Variants in ATP1A3 observed in about 807,000 individuals in gnomAD.
ATP1A3 encodes ATPase Na+/K+ transporting subunit alpha 3.
A neutral mutation model predicts 108.8 loss-of-function variants in ATP1A3; 12 were observed. The ratio of observed to expected loss-of-function variants is 0.11; its 90% CI spans 0.07 to 0.18. The LOEUF is 0.18. Among genes scored for constraint, ATP1A3 ranks in the 10% least tolerant of loss-of-function variants. ATP1A3 has a pLI of 1.00. For synonymous variants in ATP1A3, 539 were observed against 564.5 expected, an observed-to-expected ratio of 0.95 and a Z score of 0.64; for missense variants, 498 against 1,387.7, an observed-to-expected ratio of 0.36 and a Z score of 10.19.
At chr19:41,989,773 C>T (rs1180789956) in intron 1 of ATP1A3, among the ~76,000 whole-genome samples, 1 of 152,084 alleles carries the variant, frequency 6.6e-6, no homozygotes, top group African/African-American at 2.4e-5. Context: ...CTCTCCATCT[C>T]TGTATCTCTG....
In ATP1A3 at chr19:41,978,113, C is replaced by T. The variant is rs202091721; in HGVS notation, c.1806+38G>A. The stretch of plus-strand genomic sequence containing the variant: ...TTTAGGGATGGCCTCTCCCGCCCCA[C>T]GCCTGGCTTTGCCTCCCCCAGCCAC... On this transcript the variant is annotated intron_variant, in intron 13 of 22. Coordinates refer to ENST00000648268, the MANE Select transcript of ATP1A3 (RefSeq NM_152296.5). This position sits in a 1 kb window ranked among gnomAD's most constrained non-coding sequence, Gnocchi z 8.3. 31 of 1,614,228 alleles carry T rather than the reference C, an allele frequency of 1.9e-5. No individual in the cohort carries two copies. In the Admixed American group the frequency reaches 2.7e-4, roughly 14 times the overall value.
intron 16 of ATP1A3, 21 bp from the exon 17 acceptor site, chr19:41,970,563 G>C (rs1286914952): frequency 6.2e-7 from 1 of 1,612,444 alleles, no homozygotes; most frequent in Non-Finnish European, 8.5e-7. Flanking sequence ...GGCAGGCTCA[G>C]AGCAGGCGCC....
At chr19:41,976,347 C>A (rs1568858860) in intron 15 of ATP1A3, 69 bp downstream of exon 15, 4 of 1,600,628 alleles carry the variant, frequency 2.5e-6, no homozygotes, top group East Asian at 4.5e-5. Flanking sequence ...CCCAGGAAAC[C>A]AGGCCCCGGC....
chr19:41,979,629 T>C (rs782625647), intron 11 of ATP1A3, among the ~76,000 whole-genome samples: 12 of 152,124 alleles, frequency 7.9e-5, no homozygotes, highest in Non-Finnish European at 1.5e-4. Flanking sequence ...TTTTATGAAA[T>C]GTCCAGAATA....
chr19:41,994,158 C>T lies in ATP1A3; in HGVS notation c.-82G>A. 7.3e-7 allele frequency: 1 copy of T among 1,369,458 alleles called. No homozygotes were observed. The highest frequency in any genetic ancestry group is 9.7e-7 in the Non-Finnish European group (1 of 1,030,562). The allele number at this position is 1,369,458 out of a possible 1,614,324, so 84.8% of individuals were successfully genotyped here. ...CTCAGGCTCAGGCTTGGGCTGGGAG[C>T]CTCTGCAGCGCCCGCGCCTCGGTAG... On this transcript the variant is annotated 5_prime_UTR_variant, in exon 1 of 23. Transcript: ENST00000648268.
intron 4 of ATP1A3, chr19:41,986,671 G>C: frequency 9.8e-6 from 2 of 204,388 alleles, no homozygotes; most frequent in Non-Finnish European, 2.0e-5. Flanking sequence ...TTGATCTCCT[G>C]ACCTTGTGAT....
At chr19:41,975,841 C>T (rs1335913161) in intron 15 of ATP1A3, 44 bp from the exon 16 acceptor site, 2 of 1,611,732 alleles carry the variant, frequency 1.2e-6, no homozygotes, top group South Asian at 1.1e-5. Context: ...GGCCAGTCCC[C>T]AGAGTCCCCT....
chr19:41,974,555 C>T (rs1477333805), intron 16 of ATP1A3, among the ~76,000 whole-genome samples: 1 of 152,194 alleles, frequency 6.6e-6, no homozygotes, highest in Non-Finnish European at 1.5e-5. Context: ...TTACTCTGGG[C>T]TCGGCTTTGC....
At position 41,981,570 on chromosome 19, in the gene ATP1A3, C is replaced by T; in HGVS notation, c.1369G>A (p.Val457Met). 1 of 1,614,166 alleles carries T rather than the reference C, an allele frequency of 6.2e-7. No individual in the cohort carries two copies. The highest frequency in any genetic ancestry group is 8.5e-7 in the Non-Finnish European group (1 of 1,180,044). ...TTGTTGCGTTCACGCATCAGCTTCA[C>T]GGAGCCAGAGGACAGCTCGATGCAC... Reference protein sequence around the residue: ...LKCIELSSGSVKLMRERNKKV... With the variant: ...LKCIELSSGSMKLMRERNKKV... Residue 457 changes from valine to methionine, a missense_variant, in exon 11 of 23, where the codon GTG becomes ATG. This residue lies in a region of ATP1A3 where 92 missense variants were observed against 168.7 expected (regional missense o/e 0.55). Transcript: ENST00000648268. The surrounding 1 kb of genome is among the most constrained non-coding windows in gnomAD (Gnocchi z 5.0).
intron 5 of ATP1A3, 30 bp downstream of exon 5, chr19:41,986,086 C>A: frequency 6.2e-7 from 1 of 1,614,162 alleles, no homozygotes; most frequent in Non-Finnish European, 8.5e-7. Context: ...ACTAACACCC[C>A]CGTCTGGCCC....
intron 4 of ATP1A3, chr19:41,986,474 ACT>A (rs1459059766): frequency 2.0e-5 from 8 of 401,794 alleles, no homozygotes; most frequent in Middle Eastern, 7.8e-4. Context: ...ACAGAGTCTC[ACT>A]CTGTCGCCCA....
chr19:41,984,907 C>A lies in ATP1A3; in HGVS notation c.993+11G>T. The A allele has an allele frequency of 6.2e-7, 1 of 1,610,066 alleles. No individual in the cohort carries two copies. The highest frequency in any genetic ancestry group is 8.5e-7 in the Non-Finnish European group (1 of 1,178,100). On this transcript the variant is annotated intron_variant, in intron 8 of 22. Coordinates refer to ENST00000648268, the MANE Select transcript of ATP1A3 (RefSeq NM_152296.5). ...GGCCCTCCCCACCCAGACCCAGGAG[C>A]CTGGCCTTACAGTGACAGTGGCCAG...
rs148043407 is a variant in ATP1A3 at position 41,988,089 on chromosome 19, G to A, written c.204C>T (p.Asn68=). The part of the protein sequence containing the change: ...AQEILARDGP[N]ALTPPPTTPE... ...GGGTGGTAGGCGGTGGCGTGAGTGCGTTAGGCCCATCCCGGGCCAGGATCT... is the reference window on the plus strand; with the variant it reads ...GGGTGGTAGGCGGTGGCGTGAGTGCATTAGGCCCATCCCGGGCCAGGATCT... The change falls in exon 4 of 23, where the codon AAC becomes AAT. Residue 68 remains asparagine, a synonymous_variant. Transcript: ENST00000648268. This position sits in a 1 kb window ranked among gnomAD's most constrained non-coding sequence, Gnocchi z 5.3. The A allele has an allele frequency of 1.3e-5, 21 of 1,614,036 alleles. No homozygotes were observed. Among genetic ancestry groups the A allele is most frequent in the Admixed American group, 8.3e-5 (5 of 60,002 alleles).
At chr19:41,972,104 G>T (rs2075115935) in intron 16 of ATP1A3, among the ~76,000 whole-genome samples, 1 of 152,076 alleles carries the variant, frequency 6.6e-6, no homozygotes, top group Non-Finnish European at 1.5e-5. Context: ...ACAAAAATTA[G>T]CTGGGCGTGG....
intron 1 of ATP1A3, chr19:41,993,585 A>G (rs1599731123): frequency 9.0e-7 from 1 of 1,109,594 alleles, no homozygotes; most frequent in East Asian, 2.6e-5. Context: ...GGAAGGAGAA[A>G]GAGAGGTCAT....
At position 41,970,285 on chromosome 19, in the gene ATP1A3, G is replaced by A. The variant is rs367659803; in HGVS notation, c.2442C>T (p.Tyr814=). The change falls in exon 18 of 23, where the codon TAC becomes TAT. Residue 814 remains tyrosine, a synonymous_variant. Coordinates refer to ENST00000648268, the MANE Select transcript of ATP1A3 (RefSeq NM_152296.5). Reference sequence around the variant, plus strand: ...TCATGATGTCGCTTTCGGCAGCCTCGTACGCCAGTGAGATGGCAGGGACCT... The same window carrying A: ...TCATGATGTCGCTTTCGGCAGCCTCATACGCCAGTGAGATGGCAGGGACCT... ...TDMVPAISLA[Y]EAAESDIMKR... The A allele has an allele frequency of 2.9e-5, 47 of 1,614,120 alleles. No homozygotes were observed. Among genetic ancestry groups the A allele is most frequent in the South Asian group, 7.7e-5 (7 of 91,082 alleles).
intron 1 of ATP1A3, 162 bp downstream of exon 1, chr19:41,993,909 G>A: frequency 3.0e-6 from 4 of 1,338,858 alleles, no homozygotes; most frequent in Non-Finnish European, 4.1e-6. Flanking sequence ...GCCCCCTGCG[G>A]CCCCACGACC....
chr19:41,983,236 C>T (rs1403948122), intron 8 of ATP1A3, among the ~76,000 whole-genome samples: 1 of 152,014 alleles, frequency 6.6e-6, no homozygotes, highest in Admixed American at 6.6e-5. Context: ...CACCATCACG[C>T]CTGGCTAATT....
intron 1 of ATP1A3, among the ~76,000 whole-genome samples, chr19:41,991,133 G>A (rs1402339118): frequency 2.0e-5 from 3 of 152,126 alleles, no homozygotes; most frequent in Non-Finnish European, 2.9e-5. Flanking sequence ...GGTGGGAGGG[G>A]TGGGGCGAGG....
Sources: gnomAD v4.1 joint callset for allele counts (sites outside exome capture counted in the v4.1 genomes callset) on GRCh38, gnomAD v4.1.1 for gene constraint, gnomAD v4.1.1 regional missense constraint, Gnocchi (gnomAD v3.1) non-coding constraint, MANE v1.5 for transcripts, NCBI Gene and HGNC (gene_info 2026-07-23, HGNC 2026-07-21) for gene names.